Variants in SPATA31E1 observed in about 807,000 individuals in gnomAD.
SPATA31E1 encodes spermatogenesis-associated protein 31E1.
A neutral mutation model predicts 12.9 loss-of-function variants in SPATA31E1; 7 were observed. The observed-to-expected ratio is 0.54, with a 90% CI of 0.31 to 1.02. The LOEUF is 1.02. Among genes scored for constraint, SPATA31E1 ranks in the 50% least tolerant of loss-of-function variants. The probability of loss-of-function intolerance (pLI) is 0.05; values close to 1 mark genes in which losing one functional copy is unlikely to be tolerated. For synonymous variants in SPATA31E1, 771 were observed against 719.0 expected, an observed-to-expected ratio of 1.07 and a Z score of -1.16; for missense variants, 1,961 against 1,799.8, an observed-to-expected ratio of 1.09 and a Z score of -1.62.
At position 87,886,819 on chromosome 9, in the gene SPATA31E1, G is replaced by A. The variant is rs1828285607; in HGVS notation, c.2332G>A (p.Glu778Lys). Residue 778 changes from glutamate (E) to lysine (K), a missense_variant, in exon 4 of 4, where the codon GAG (glutamate) becomes AAG (lysine). Physicochemically the swap from Glu to Lys is moderately conservative, Grantham distance 56 (BLOSUM62 1). Coordinates refer to ENST00000325643, the MANE Select transcript of SPATA31E1 (RefSeq NM_178828.5). Reference sequence around the variant, plus strand: ...GGCCAGGAAGGTAGGGGAGATCAAAGAGGGCTGGATCCCCATGCCTGTGCG... The same window carrying A: ...GGCCAGGAAGGTAGGGGAGATCAAAAAGGGCTGGATCCCCATGCCTGTGCG... ...HLARKVGEIKEGWIPMPVRRS... is the reference protein window; with the variant it reads ...HLARKVGEIKKGWIPMPVRRS... 6.2e-7 allele frequency: 1 copy of A among 1,614,180 alleles called. No homozygotes were observed. The highest frequency in any genetic ancestry group is 8.5e-7 in the Non-Finnish European group (1 of 1,180,038).
chr9:87,883,295 T>A, intron 1 of SPATA31E1, 95 bp downstream of exon 1: 6 of 1,453,688 alleles, frequency 4.1e-6, no homozygotes, highest in Non-Finnish European at 5.6e-6. Context: ...GACCCTTCTG[T>A]GATGGGAAAT....
chr9:87,884,921 G>A lies in SPATA31E1; in HGVS notation c.434G>A (p.Arg145Lys). The A allele has an allele frequency of 3.1e-6, 5 of 1,606,212 alleles. No individual in the cohort carries two copies. Among genetic ancestry groups the A allele is most frequent in the African/African-American group, 1.3e-5 (1 of 74,938 alleles). ...DLNYLLESHL[R>K]KLAGEGSSHL... ...CCTCTTGTCTCCTGCAGCCACCTGA[G>A]GAAGCTCGCTGGCGAAGGCAGCTCC... The change falls in exon 4 of 4, where the codon AGG becomes AAG. Residue 145 changes from arginine (R) to lysine (K), a missense_variant. Coordinates refer to ENST00000325643, the MANE Select transcript of SPATA31E1 (RefSeq NM_178828.5).
Position 87,886,010 on chromosome 9 carries a change from C to T in SPATA31E1, c.1523C>T (p.Pro508Leu), listed in dbSNP as rs759126898. 2.5e-6 allele frequency: 4 copies of T among 1,612,872 alleles called. No homozygotes were observed. The South Asian group carries it at 3.3e-5, about 13-fold the overall frequency. The stretch of plus-strand genomic sequence containing the variant: ...ATGGCCCAGCCCCAACATTTCACTC[C>T]AGCCTGGCCCCAGTCCCAGCCCCCA... Reference protein sequence around the residue: ...HHMAQPQHFTPAWPQSQPPPL... With the variant: ...HHMAQPQHFTLAWPQSQPPPL... The change falls in exon 4 of 4, where the codon CCA becomes CTA. Residue 508 changes from proline to leucine, a missense_variant. Physicochemically the swap from Pro to Leu is moderately conservative, Grantham distance 98. Coordinates refer to ENST00000325643, the MANE Select transcript of SPATA31E1 (RefSeq NM_178828.5).
Position 87,887,586 on chromosome 9 carries a change from G to T in SPATA31E1, c.3099G>T (p.Leu1033=). The stretch of plus-strand genomic sequence containing the variant: ...AGTGGGCAAGGGCTGAAGATGCCCT[G>T]CAGGCACTGAAAGTGGGGGAGAAGC... ...GSQWARAEDA[L]QALKVGEKPP... is the part of the protein sequence containing the mutation. Residue 1033 remains leucine, a synonymous_variant, in exon 4 of 4, where the codon CTG becomes CTT. Coordinates refer to ENST00000325643, the MANE Select transcript of SPATA31E1 (RefSeq NM_178828.5). 1 of 1,614,178 alleles carries T rather than the reference G, an allele frequency of 6.2e-7. No homozygotes were observed. The highest frequency in any genetic ancestry group is 1.1e-5 in the South Asian group (1 of 91,088).
Position 87,888,230 on chromosome 9 carries a change from A to AT in SPATA31E1, c.3743_3744insT (p.Gln1249ProfsTer66). The AT allele has an allele frequency of 6.2e-7, 1 of 1,614,042 alleles. No individual in the cohort carries two copies. The highest frequency in any genetic ancestry group is 8.5e-7 in the Non-Finnish European group (1 of 1,180,022). ...GGAGACAAACAAGAAAGGAAATACA[A>AT]CCAGCTTCAGCTGGAGAAGGGACAG... On this transcript the variant is annotated frameshift_variant, in exon 4 of 4. Coordinates refer to ENST00000325643, the MANE Select transcript of SPATA31E1 (RefSeq NM_178828.5). LOFTEE classifies it low-confidence loss of function (END_TRUNC).
rs150337821 is a variant in SPATA31E1 at position 87,883,370 on chromosome 9, G to A, written c.309+170G>A. Reference sequence around the variant, plus strand: ...GAGAGTGGGCAGAGGATTCCATCCCGAGCTCATCTGTGGGGTGCACAGGAG... The same window carrying A: ...GAGAGTGGGCAGAGGATTCCATCCCAAGCTCATCTGTGGGGTGCACAGGAG... On this transcript the variant is annotated intron_variant, in intron 1 of 3. Transcript: ENST00000325643. 2.0e-3 allele frequency among the ~76,000 whole-genome samples: 306 copies of A among 152,150 alleles called. 2 individuals are homozygous for A. Among genetic ancestry groups the A allele is most frequent in the African/African-American group, 6.9e-3 (288 of 41,526 alleles).
Position 87,888,567 on chromosome 9 carries a change from C to G in SPATA31E1, c.4080C>G (p.His1360Gln). The G allele has an allele frequency of 5.6e-6, 9 of 1,614,170 alleles. No homozygotes were observed. The highest frequency in any genetic ancestry group is 7.6e-6 in the Non-Finnish European group (9 of 1,180,034). ...AGGAGAATGTGCCTTCCTGCTGCCA[C>G]AGGGGTCACTGCCACCAAGAACGTA... ...RAQENVPSCC[H>Q]RGHCHQERSR... Residue 1360 changes from histidine (H) to glutamine (Q), a missense_variant, in exon 4 of 4, where the codon CAC becomes CAG. Transcript: ENST00000325643.
rs1193628270 is a variant in SPATA31E1, at chr9:87,888,387, G to C, written c.3900G>C (p.Trp1300Cys). Residue 1300 changes from tryptophan to cysteine, a missense_variant, in exon 4 of 4, where the codon TGG becomes TGC. Trp to Cys is a radical substitution (Grantham distance 215). Transcript: ENST00000325643. ...GKPGADAFQS[W>C]GSGPPRQFMD... ...CTGGGGCAGATGCTTTCCAGAGCTG[G>C]GGGTCTGGCCCACCAAGGCAGTTTA... 4 of 1,614,054 alleles carry C rather than the reference G, an allele frequency of 2.5e-6. No individual in the cohort carries two copies. The highest frequency in any genetic ancestry group is 1.3e-5 in the African/African-American group (1 of 74,920).
Position 87,886,401 on chromosome 9 carries a change from G to C in SPATA31E1, c.1914G>C (p.Glu638Asp), listed in dbSNP as rs548683284. ...AAGGAAGGAATGCCATCCACCAGGA[G>C]CAGTCCTGTGGCCCTCCCAGCAGAT... Reference protein sequence around the residue: ...WWQGRNAIHQEQSCGPPSRLQ... With the variant: ...WWQGRNAIHQDQSCGPPSRLQ... Residue 638 changes from glutamate to aspartate, a missense_variant, in exon 4 of 4, where the codon GAG becomes GAC. Physicochemically the swap from Glu to Asp is conservative, Grantham distance 45 (BLOSUM62 2). Coordinates refer to ENST00000325643, the MANE Select transcript of SPATA31E1 (RefSeq NM_178828.5). 6.2e-7 allele frequency: 1 copy of C among 1,613,886 alleles called. No homozygotes were observed. The highest frequency in any genetic ancestry group is 8.5e-7 in the Non-Finnish European group (1 of 1,179,954).
rs1233536015 is a variant in SPATA31E1, at chr9:87,885,632, A to C, written c.1145A>C (p.Glu382Ala). ...CTGATGAAGATGTGGCAGGAGAAAG[A>C]AAGAAAACGGGCCGACCACCCGCAC... ...RALMKMWQEK[E>A]RKRADHPHMT... Residue 382 changes from glutamate to alanine, a missense_variant, in exon 4 of 4, where the codon GAA becomes GCA. Transcript: ENST00000325643. 6.2e-7 allele frequency: 1 copy of C among 1,613,768 alleles called. No individual in the cohort carries two copies. Among genetic ancestry groups the C allele is most frequent in the African/African-American group, 1.3e-5 (1 of 74,878 alleles).
At chr9:87,884,509 C>A (rs1011414885) in intron 2 of SPATA31E1, 82 bp from the exon 3 acceptor site, 3 of 1,435,636 alleles carry the variant, frequency 2.1e-6, no homozygotes, top group East Asian at 2.3e-5. Flanking sequence ...CCCATGGTGT[C>A]CCCTAAAAAG....
chr9:87,886,312 C>A lies in SPATA31E1; in HGVS notation c.1825C>A (p.Pro609Thr), dbSNP rs758266605. Residue 609 changes from proline to threonine, a missense_variant, in exon 4 of 4, where the codon CCC becomes ACC. Pro to Thr is a conservative substitution (Grantham distance 38). Transcript: ENST00000325643. ...LPQERPASWS[P>T]KSAPILPGVV... ...CCAAGAGAGGCCGGCCTCCTGGAGC[C>A]CCAAGTCAGCCCCCATCCTTCCCGG... 1 of 1,613,688 alleles carries A rather than the reference C, an allele frequency of 6.2e-7. No homozygotes were observed. The highest frequency in any genetic ancestry group is 1.7e-5 in the Admixed American group (1 of 60,008).
chr9:87,887,128 T>C lies in SPATA31E1; in HGVS notation c.2641T>C (p.Trp881Arg), dbSNP rs763901541. 5 of 1,614,096 alleles carry C rather than the reference T, an allele frequency of 3.1e-6. No individual in the cohort carries two copies. The highest frequency in any genetic ancestry group is 1.1e-5 in the South Asian group (1 of 91,082). The change falls in exon 4 of 4, where the codon TGG becomes CGG. Residue 881 changes from tryptophan (W) to arginine (R), a missense_variant. Coordinates refer to ENST00000325643, the MANE Select transcript of SPATA31E1 (RefSeq NM_178828.5). The stretch of plus-strand genomic sequence containing the variant: ...ATCCACCTTTACCCCCTGGGCCTCC[T>C]GGGTATCTCGGGTTGAATCTGTACC... ...PQSTFTPWAS[W>R]VSRVESVPKV...
At chr9:87,884,554 C>T (rs774197042) in intron 2 of SPATA31E1, 37 bp from the exon 3 acceptor site, 14 of 1,612,636 alleles carry the variant, frequency 8.7e-6, no homozygotes, top group Admixed American at 5.0e-5. Context: ...TCCCAGGCAC[C>T]GCCCTCTCCA....
Position 87,886,747 on chromosome 9 carries a change from A to T in SPATA31E1, c.2260A>T (p.Arg754Trp), listed in dbSNP as rs1828283484. Residue 754 changes from arginine to tryptophan, a missense_variant, in exon 4 of 4, where the codon AGG becomes TGG. Arg to Trp is a moderately radical substitution (Grantham distance 101, BLOSUM62 -3). Transcript: ENST00000325643. ...WKYQSVSSTP[R>W]DPDKEHLENK... ...GTACCAATCAGTAAGTTCCACACCC[A>T]GGGACCCAGACAAGGAGCATCTGGA... The T allele has an allele frequency of 6.2e-7, 1 of 1,613,910 alleles. No individual in the cohort carries two copies. Among genetic ancestry groups the T allele is most frequent in the African/African-American group, 1.3e-5 (1 of 74,930 alleles).
In SPATA31E1 at chr9:87,887,917, C is replaced by G. The variant is rs1161851611; in HGVS notation, c.3430C>G (p.Leu1144Val). 12 of 1,613,914 alleles carry G rather than the reference C, an allele frequency of 7.4e-6. No homozygotes were observed. Among genetic ancestry groups the G allele is most frequent in the South Asian group, 5.5e-5 (5 of 91,092 alleles). The change falls in exon 4 of 4, where the codon CTG becomes GTG. Residue 1144 changes from leucine (L) to valine (V), a missense_variant. Transcript: ENST00000325643. Reference sequence around the variant, plus strand: ...GGACATGCTCACTGCCGCAGACAGGCTGCCCACTCAAGCCCCTCTGTCCAC... The same window carrying G: ...GGACATGCTCACTGCCGCAGACAGGGTGCCCACTCAAGCCCCTCTGTCCAC... The part of the protein sequence containing the change: ...HMDMLTAADR[L>V]PTQAPLSTSQ...
intron 2 of SPATA31E1, among the ~76,000 whole-genome samples, chr9:87,884,331 T>G (rs967715889): frequency 3.9e-5 from 6 of 152,218 alleles, no homozygotes; most frequent in African/African-American, 1.4e-4. Context: ...TGACTCCTCT[T>G]TGAGACCACC....
Position 87,885,825 on chromosome 9 carries a change from C to T in SPATA31E1, c.1338C>T (p.Leu446=), listed in dbSNP as rs971879012. 11 of 1,613,844 alleles carry T rather than the reference C, an allele frequency of 6.8e-6. No individual in the cohort carries two copies. The African/African-American group carries it at 1.5e-4, about 22-fold the overall frequency. The change falls in exon 4 of 4, where the codon CTC becomes CTT. Residue 446 remains leucine, a synonymous_variant. Coordinates refer to ENST00000325643, the MANE Select transcript of SPATA31E1 (RefSeq NM_178828.5). Reference sequence around the variant, plus strand: ...AGCTTTTCTGGGACCTCCCCTCTCTCAATAGCGAGTCCCTGGCGACCACAG... The same window carrying T: ...AGCTTTTCTGGGACCTCCCCTCTCTTAATAGCGAGTCCCTGGCGACCACAG... ...RSQLFWDLPS[L]NSESLATTVW...
Position 87,884,066 on chromosome 9 carries a change from C to A in SPATA31E1, c.364+20C>A. On this transcript the variant is annotated intron_variant, in intron 2 of 3. Transcript: ENST00000325643. ...TGAAAGGTGAGGCTCTGCTGCCCCC[C>A]GGGACTCCCCAGAGGTAACTGAGCT... 6.3e-7 allele frequency: 1 copy of A among 1,584,496 alleles called. No individual in the cohort carries two copies. Among genetic ancestry groups the A allele is most frequent in the Non-Finnish European group, 8.6e-7 (1 of 1,163,166 alleles).
Sources: allele counts gnomAD v4.1 joint callset (sites outside exome capture counted in the v4.1 genomes callset), GRCh38; gene constraint gnomAD v4.1.1; transcripts MANE v1.5; gene names NCBI Gene and HGNC (gene_info 2026-07-23, HGNC 2026-07-21).